Variants in KLF12 observed in about 807,000 individuals in gnomAD.
KLF12 encodes the protein Krueppel-like factor 12.
A neutral mutation model predicts 37.8 loss-of-function variants in KLF12; 9 were observed. The observed-to-expected ratio is 0.24, with a 90% CI of 0.14 to 0.42. KLF12 has a LOEUF of 0.42. Ranked by LOEUF, KLF12 falls within the 10% of genes least tolerant of loss-of-function variation. KLF12 has a pLI of 1.00. For synonymous variants in KLF12, 208 were observed against 202.1 expected (o/e 1.03, Z -0.25); for missense variants, 411 against 516.0 (o/e 0.80, Z 1.97).
intron 6 of KLF12, among the ~76,000 whole-genome samples, chr13:73,715,999 C>T (rs1264307907): frequency 6.6e-6 from 1 of 152,164 alleles, no homozygotes; most frequent in South Asian, 2.1e-4. Context: ...TCACAAGGTA[C>T]ATTTCTAAAC....
chr13:74,240,075 C>T, the KLF12 span, among the ~76,000 whole-genome samples: 1 of 152,070 alleles, frequency 6.6e-6, no homozygotes, highest in Non-Finnish European at 1.5e-5. Context: ...TTTGCAGCGG[C>T]TGGTACCGGT....
At chr13:74,270,569 C>T in the KLF12 span, among the ~76,000 whole-genome samples, 48,130 of 151,864 alleles carry the variant, frequency 0.32, 9,989 homozygotes, top group African/African-American at 0.59. Context: ...GTTGGGACCT[C>T]GCAAACCTTG....
intron 5 of KLF12, among the ~76,000 whole-genome samples, chr13:73,778,504 C>T (rs908572427): frequency 2.6e-5 from 4 of 152,110 alleles, no homozygotes; most frequent in Admixed American, 6.5e-5. Context: ...GGACTACAAG[C>T]GCCTGCCACC....
At chr13:73,775,068 C>T (rs1016650236) in intron 5 of KLF12, among the ~76,000 whole-genome samples, 1 of 152,004 alleles carries the variant, frequency 6.6e-6, no homozygotes, top group African/African-American at 2.4e-5. Context: ...CAGGTATGTG[C>T]CACCATGCCT....
At chr13:74,267,561 T>A in the KLF12 span, among the ~76,000 whole-genome samples, 1 of 152,182 alleles carries the variant, frequency 6.6e-6, no homozygotes, top group Non-Finnish European at 1.5e-5. Context: ...AGTAGAATGA[T>A]GGCTACCACA....
intron 3 of KLF12, among the ~76,000 whole-genome samples, chr13:73,928,054 C>A (rs952111822): frequency 6.6e-6 from 1 of 152,014 alleles, no homozygotes; most frequent in African/African-American, 2.4e-5. Flanking sequence ...GACGGGGTTC[C>A]CCCATGTTGG....
At chr13:74,095,126 G>C (rs566626407) in intron 1 of KLF12, among the ~76,000 whole-genome samples, 1 of 152,152 alleles carries the variant, frequency 6.6e-6, no homozygotes, top group East Asian at 1.9e-4. Context: ...TATGGACTCT[G>C]ATCATATATC....
chr13:74,295,710 A>G, the KLF12 span, among the ~76,000 whole-genome samples: 3 of 152,230 alleles, frequency 2.0e-5, no homozygotes, highest in Non-Finnish European at 4.4e-5. Flanking sequence ...CTCAAATATT[A>G]TATTCTAGAA....
chr13:73,755,807 C>T (rs1470042377), intron 6 of KLF12, among the ~76,000 whole-genome samples: 19 of 151,880 alleles, frequency 1.3e-4, no homozygotes, highest in South Asian at 2.1e-4. Flanking sequence ...TATGCTTTTG[C>T]GTCCTCATAG....
rs370565193 is a variant in KLF12, at chr13:74,108,121, TAG to T, written c.-32+25616_-32+25617del. 3.2e-3 allele frequency among the ~76,000 whole-genome samples: 480 copies of T among 152,320 alleles called. 1 individual carries two copies. Among genetic ancestry groups the T allele is most frequent in the African/African-American group, 0.011 (445 of 41,580 alleles). On this transcript the variant is annotated intron_variant, in intron 1 of 7. Coordinates refer to ENST00000377669, the MANE Select transcript of KLF12 (RefSeq NM_007249.5). Reference sequence around the variant, plus strand: ...GAAGTGAATGTATTATAACTCACAATAGAGATCATTAAAAGGCTCTTTCAAAT... The same window carrying T: ...GAAGTGAATGTATTATAACTCACAATAGATCATTAAAAGGCTCTTTCAAAT...
chr13:74,129,843 C>T (rs1432844261), intron 1 of KLF12, among the ~76,000 whole-genome samples: 1 of 152,162 alleles, frequency 6.6e-6, no homozygotes, highest in African/African-American at 2.4e-5. Flanking sequence ...ACGGAAAAAT[C>T]CTTTTGTAAC....
intron 1 of KLF12, among the ~76,000 whole-genome samples, chr13:74,116,930 GA>G (rs1366197847): frequency 6.6e-6 from 1 of 152,000 alleles, no homozygotes; most frequent in African/African-American, 2.4e-5. Flanking sequence ...GCAAACGTAA[GA>G]AAAATGTCAA....
intron 1 of KLF12, among the ~76,000 whole-genome samples, chr13:74,016,844 T>C (rs972560286): frequency 2.0e-5 from 3 of 152,218 alleles, no homozygotes; most frequent in Non-Finnish European, 2.9e-5. Flanking sequence ...ACAGTGCAGA[T>C]TCCCAACTGC....
chr13:73,842,986 T>G (rs1046479765), intron 4 of KLF12, among the ~76,000 whole-genome samples: 1 of 152,300 alleles, frequency 6.6e-6, no homozygotes, highest in Non-Finnish European at 1.5e-5. Flanking sequence ...ATAGCAACAT[T>G]TGTAGAATAT....
At chr13:74,237,485 A>G in the KLF12 span, among the ~76,000 whole-genome samples, 1 of 140,608 alleles carries the variant, frequency 7.1e-6, no homozygotes, top group Non-Finnish European at 1.5e-5. Flanking sequence ...GAAGAAAGTC[A>G]TTGGTAGCTT....
chr13:74,303,010 G>C, the KLF12 span, among the ~76,000 whole-genome samples: 15 of 152,012 alleles, frequency 9.9e-5, no homozygotes, highest in South Asian at 3.1e-3. Flanking sequence ...ATTTGTAAAG[G>C]CCAAGCCAGG....
chr13:74,087,490 T>C (rs569475779), intron 1 of KLF12, among the ~76,000 whole-genome samples: 17 of 152,206 alleles, frequency 1.1e-4, no homozygotes, highest in Non-Finnish European at 2.4e-4. Flanking sequence ...CTGCACGATA[T>C]GGAGGAGGGG....
chr13:74,025,194 CTTTG>C (rs1292049150), intron 1 of KLF12, among the ~76,000 whole-genome samples: 1 of 152,146 alleles, frequency 6.6e-6, no homozygotes, highest in African/African-American at 2.4e-5. Flanking sequence ...CCTTTGCTTA[CTTTG>C]TTTGACAGCT....
intron 3 of KLF12, among the ~76,000 whole-genome samples, chr13:73,868,484 G>C (rs370189073): frequency 6.6e-6 from 1 of 151,824 alleles, no homozygotes; most frequent in South Asian, 2.1e-4. Context: ...TCCGCCTCCC[G>C]GGTTCAAGTG....
Sources: allele counts gnomAD v4.1 joint callset (sites outside exome capture counted in the v4.1 genomes callset), GRCh38; gene constraint gnomAD v4.1.1; transcripts MANE v1.5; gene names NCBI Gene and HGNC (gene_info 2026-07-23, HGNC 2026-07-21).